The following HECTD2 variants were observed in gnomAD, a reference collection of about 807,000 sequenced individuals.
The protein encoded by HECTD2 is HECT domain E3 ubiquitin protein ligase 2.
In HECTD2, 35 loss-of-function variants were observed where a neutral mutation model predicts 103.2. The observed-to-expected ratio is 0.34, with a 90% CI of 0.26 to 0.45. The LOEUF (loss-of-function observed/expected upper bound fraction) is 0.45. Among genes scored for constraint, HECTD2 ranks in the 20% least tolerant of loss-of-function variants. The pLI, the probability that HECTD2 is intolerant of heterozygous loss-of-function variation, is 1.00. For synonymous variants in HECTD2, 281 were observed against 329.9 expected (o/e 0.85, Z 1.61); for missense variants, 596 against 937.4 (o/e 0.64, Z 4.76).
intron 16 of HECTD2, among the ~76,000 whole-genome samples, 157 bp from the exon 17 acceptor site, chr10:91,498,715 C>T (rs993493947): frequency 1.3e-5 from 2 of 152,060 alleles, no homozygotes; most frequent in African/African-American, 2.4e-5. Flanking sequence ...TATGATCCCT[C>T]GTTCTTAATA....
intron 2 of HECTD2, among the ~76,000 whole-genome samples, chr10:91,434,013 A>G (rs1844008153): frequency 6.6e-6 from 1 of 152,012 alleles, no homozygotes; most frequent in Non-Finnish European, 1.5e-5. Flanking sequence ...AGGCTCATAA[A>G]AGAACATTTC....
At chr10:91,427,699 G>GC (rs2133045618) in intron 2 of HECTD2, among the ~76,000 whole-genome samples, 1 of 152,064 alleles carries the variant, frequency 6.6e-6, no homozygotes, top group South Asian at 2.1e-4. Flanking sequence ...GGGGTTGTTT[G>GC]TTTTTTTCTT....
Position 91,492,391 on chromosome 10 carries a change from G to A in HECTD2, c.1339G>A (p.Val447Ile). ...KRADLKKKLK[V>I]TFVGEAGLDM... ...AGCCGATTTGAAAAAGAAGTTAAAA[G>A]TTACATTTGTAGGGGAAGCTGGTTT... Residue 447 changes from valine (V) to isoleucine (I), a missense_variant, in exon 13 of 21, where the codon GTT (valine) becomes ATT (isoleucine). Val to Ile is a conservative substitution (Grantham distance 29, BLOSUM62 3). Around this residue, in one of 4 missense-constraint regions of HECTD2, gnomAD observed 303 missense variants for 522.5 expected, o/e 0.58. Coordinates refer to ENST00000298068, the MANE Select transcript of HECTD2 (RefSeq NM_182765.6). 1 of 1,613,380 alleles carries A rather than the reference G, an allele frequency of 6.2e-7. No individual in the cohort carries two copies. The highest frequency in any genetic ancestry group is 8.5e-7 in the Non-Finnish European group (1 of 1,179,422).
chr10:91,410,671 C>G, intron 1 of HECTD2, 95 bp downstream of exon 1: 2 of 1,173,000 alleles, frequency 1.7e-6, no homozygotes, highest in Non-Finnish European at 1.1e-6. Context: ...TGCGTTTACC[C>G]TGGGCACGCC....
chr10:91,483,997 A>G (rs1054075707), intron 8 of HECTD2: 3 of 226,250 alleles, frequency 1.3e-5, no homozygotes, highest in African/African-American at 4.6e-5. Context: ...TGAAATTGCA[A>G]AATCACCAAC....
chr10:91,431,464 C>T (rs1843863690), intron 2 of HECTD2, among the ~76,000 whole-genome samples: 1 of 152,142 alleles, frequency 6.6e-6, no homozygotes, highest in Non-Finnish European at 1.5e-5. Context: ...GGATAATATC[C>T]TGCAGAGTGT....
chr10:91,431,606 C>T (rs1843874232), intron 2 of HECTD2, among the ~76,000 whole-genome samples: 1 of 151,834 alleles, frequency 6.6e-6, no homozygotes, highest in East Asian at 1.9e-4. Flanking sequence ...TCTAAACTTC[C>T]CTTCTCACTT....
At chr10:91,453,313 C>T (rs751474019) in intron 2 of HECTD2, among the ~76,000 whole-genome samples, 1 of 152,066 alleles carries the variant, frequency 6.6e-6, no homozygotes, top group Non-Finnish European at 1.5e-5. Flanking sequence ...TGCCTGTAGT[C>T]CTAGCTACTC....
At chr10:91,506,796 C>T (rs918961131) in intron 20 of HECTD2, among the ~76,000 whole-genome samples, 3 of 151,856 alleles carry the variant, frequency 2.0e-5, no homozygotes, top group Non-Finnish European at 2.9e-5. Context: ...CATTCTGATA[C>T]CAAAGCCGGG....
chr10:91,423,991 A>G (rs1163826326), intron 1 of HECTD2, among the ~76,000 whole-genome samples: 2 of 152,148 alleles, frequency 1.3e-5, no homozygotes, highest in East Asian at 1.9e-4. Context: ...TGCAGTTACA[A>G]ATTAGCCCCA....
chr10:91,444,444 TG>T (rs1168680960), intron 2 of HECTD2, among the ~76,000 whole-genome samples: 1 of 152,140 alleles, frequency 6.6e-6, no homozygotes, highest in Non-Finnish European at 1.5e-5. Context: ...TATTTTTAGT[TG>T]AAAAGGTAAC....
intron 1 of HECTD2, among the ~76,000 whole-genome samples, chr10:91,420,611 AAAG>A (rs1843319669): frequency 6.6e-6 from 1 of 152,114 alleles, no homozygotes; most frequent in Non-Finnish European, 1.5e-5. Context: ...AAAAAGAAAA[AAAG>A]AAAATCAGTC....
At chr10:91,411,461 G>T (rs1487518637) in intron 1 of HECTD2, among the ~76,000 whole-genome samples, 1 of 152,186 alleles carries the variant, frequency 6.6e-6, no homozygotes, top group East Asian at 1.9e-4. Flanking sequence ...TCATGCAGCT[G>T]TGTGTGACAA....
intron 7 of HECTD2, 94 bp downstream of exon 7, chr10:91,481,233 G>T: frequency 1.7e-6 from 1 of 573,730 alleles, no homozygotes. Context: ...ATATCATTTT[G>T]GGCAACATTA....
intron 5 of HECTD2, among the ~76,000 whole-genome samples, chr10:91,469,730 G>T (rs1347682438): frequency 6.6e-6 from 1 of 151,986 alleles, no homozygotes; most frequent in Non-Finnish European, 1.5e-5. Flanking sequence ...ACAACATGAT[G>T]ACAGGAATGT....
intron 2 of HECTD2, among the ~76,000 whole-genome samples, chr10:91,427,550 G>A (rs1439201894): frequency 6.6e-6 from 1 of 152,104 alleles, no homozygotes; most frequent in East Asian, 1.9e-4. Flanking sequence ...ATTCTAACTG[G>A]TGTGAGATGG....
intron 5 of HECTD2, chr10:91,463,325 T>C (rs1389570410): frequency 6.6e-6 from 1 of 152,142 alleles, no homozygotes; most frequent in Non-Finnish European, 1.5e-5. Flanking sequence ...TAAGTGGAAG[T>C]GGACTATCAT....
chr10:91,479,129 C>T (rs1056542382), intron 6 of HECTD2, among the ~76,000 whole-genome samples: 1 of 152,080 alleles, frequency 6.6e-6, no homozygotes, highest in Non-Finnish European at 1.5e-5. Context: ...GCAGGAGAGT[C>T]GTTCGAATCC....
chr10:91,409,701 T>C (rs1280386981), upstream of HECTD2, among the ~76,000 whole-genome samples: 1 of 151,558 alleles, frequency 6.6e-6, no homozygotes, highest in Non-Finnish European at 1.5e-5. Context: ...TACAAAAGAG[T>C]CGGTTGCTGA....
Sources: allele counts gnomAD v4.1 joint callset (sites outside exome capture counted in the v4.1 genomes callset), GRCh38; gene constraint gnomAD v4.1.1; regional missense constraint gnomAD v4.1.1; transcripts MANE v1.5; gene names NCBI Gene and HGNC (gene_info 2026-07-23, HGNC 2026-07-21).